The following CDYL variants were observed in gnomAD, a reference collection of about 807,000 sequenced individuals.
CDYL encodes the protein chromodomain Y like, also known as chromodomain Y-like protein.
CDYL carries 8 observed loss-of-function variants against 47.3 expected under a neutral mutation model. The ratio of observed to expected loss-of-function variants is 0.17; its 90% CI spans 0.10 to 0.31. The LOEUF is 0.31. Ranked by LOEUF, CDYL falls within the 10% of genes least tolerant of loss-of-function variation. CDYL has a pLI of 1.00. For missense variants in CDYL, 471 were observed against 701.4 expected, an observed-to-expected ratio of 0.67 and a Z score of 3.71; for synonymous variants, 266 against 265.0, an observed-to-expected ratio of 1.00 and a Z score of -0.04.
At chr6:4,875,140 A>T (rs1761584574) in intron 1 of CDYL, among the ~76,000 whole-genome samples, 1 of 152,184 alleles carries the variant, frequency 6.6e-6, no homozygotes, top group South Asian at 2.1e-4. Context: ...CTTGACTCTG[A>T]CAGGCATCGC....
chr6:4,939,761 A>G (rs1300672220), intron 4 of CDYL, among the ~76,000 whole-genome samples: 1 of 152,214 alleles, frequency 6.6e-6, no homozygotes, highest in Admixed American at 6.5e-5. Context: ...ATTCAGGGTG[A>G]ATTCCATGAA....
At chr6:4,744,049 T>C (rs545150044) in intron 3 of CDYL, among the ~76,000 whole-genome samples, 76 of 152,222 alleles carry the variant, frequency 5.0e-4, no homozygotes, top group African/African-American at 1.8e-3. Context: ...TAATGTCGAC[T>C]AATTCCTGAC....
intron 1 of CDYL, among the ~76,000 whole-genome samples, chr6:4,795,697 ATTTC>A (rs889693039): frequency 3.4e-5 from 5 of 146,700 alleles, no homozygotes; most frequent in African/African-American, 1.3e-4. Flanking sequence ...TCTTAGAGGT[ATTTC>A]TTTTCTCTTT....
At chr6:4,793,180 G>A (rs1316816146) in intron 1 of CDYL, among the ~76,000 whole-genome samples, 2 of 152,150 alleles carry the variant, frequency 1.3e-5, no homozygotes, top group Admixed American at 6.5e-5. Flanking sequence ...TGTTGATTAC[G>A]TGAGAAACCC....
intron 1 of CDYL, among the ~76,000 whole-genome samples, chr6:4,877,859 A>G (rs377526145): frequency 7.2e-5 from 11 of 152,192 alleles, no homozygotes; most frequent in East Asian, 5.8e-4. Flanking sequence ...GTTGGTTTCC[A>G]CATAAAAGCT....
At chr6:4,929,907 T>A (rs1297221137) in intron 2 of CDYL, among the ~76,000 whole-genome samples, 2 of 152,178 alleles carry the variant, frequency 1.3e-5, no homozygotes. Flanking sequence ...TGATGAACAT[T>A]GTGATTTACA....
intron 1 of CDYL, among the ~76,000 whole-genome samples, chr6:4,855,022 T>C (rs1760964420): frequency 6.6e-6 from 1 of 152,172 alleles, no homozygotes; most frequent in South Asian, 2.1e-4. Flanking sequence ...TTATCAAGTG[T>C]TGGAATTCTA....
At chr6:4,727,330 A>G (rs1467092741) in intron 2 of CDYL, among the ~76,000 whole-genome samples, 1 of 152,174 alleles carries the variant, frequency 6.6e-6, no homozygotes, top group African/African-American at 2.4e-5. Context: ...TAGGAAGCTC[A>G]TGGATGTATG....
At chr6:4,923,712 C>T (rs931430547) in intron 2 of CDYL, among the ~76,000 whole-genome samples, 23 of 151,942 alleles carry the variant, frequency 1.5e-4, no homozygotes, top group East Asian at 3.9e-4. Flanking sequence ...TCTTCTAACC[C>T]GGTGAAACCC....
At chr6:4,775,630 C>A (rs1463630417), upstream of CDYL, among the ~76,000 whole-genome samples, 1 of 151,066 alleles carries the variant, frequency 6.6e-6, no homozygotes, top group African/African-American at 2.4e-5. The surrounding 1 kb of genome is among the most constrained non-coding windows in gnomAD (Gnocchi z 7.0). Flanking sequence ...CGCGCCCTCG[C>A]GCCGCCCTCC....
chr6:4,778,061 T>G (rs1043501193), intron 1 of CDYL, among the ~76,000 whole-genome samples: 1 of 148,580 alleles, frequency 6.7e-6, no homozygotes, highest in Non-Finnish European at 1.5e-5. Context: ...TTTGGGGATG[T>G]AAAAGAAGAA....
At chr6:4,870,267 G>A (rs572575862) in intron 1 of CDYL, among the ~76,000 whole-genome samples, 1 of 152,128 alleles carries the variant, frequency 6.6e-6, no homozygotes, top group Admixed American at 6.5e-5. Flanking sequence ...TTGAAGAATA[G>A]TTTTGCTAAA....
chr6:4,839,785 T>G (rs529526481), intron 1 of CDYL, among the ~76,000 whole-genome samples: 2 of 152,322 alleles, frequency 1.3e-5, no homozygotes, highest in East Asian at 3.9e-4. Context: ...TATGTGCTTA[T>G]TTTTATACCA....
chr6:4,776,837 C>T (rs1172052384), intron 1 of CDYL, 30 bp downstream of exon 1: 1 of 877,886 alleles, frequency 1.1e-6, no homozygotes, highest in Non-Finnish European at 1.4e-6. Context: ...CCTCGGGCCG[C>T]CCCCCGCCCG....
chr6:4,953,485 T>C (rs1201658078), intron 6 of CDYL, among the ~76,000 whole-genome samples: 1 of 152,182 alleles, frequency 6.6e-6, no homozygotes, highest in Non-Finnish European at 1.5e-5. Context: ...CTGACACGAC[T>C]CCCATCCCAG....
At chr6:4,775,905 G>A (rs1024791223), upstream of CDYL, among the ~76,000 whole-genome samples, 18 of 150,240 alleles carry the variant, frequency 1.2e-4, no homozygotes, top group African/African-American at 3.9e-4. This position sits in a 1 kb window ranked among gnomAD's most constrained non-coding sequence, Gnocchi z 7.0. Flanking sequence ...GGTAGACGGC[G>A]CGGCCGCTGC....
At chr6:4,750,917 A>G (rs1042540702) in intron 3 of CDYL, among the ~76,000 whole-genome samples, 34 of 148,178 alleles carry the variant, frequency 2.3e-4, no homozygotes, top group African/African-American at 8.5e-4. Flanking sequence ...CAGTGGCACG[A>G]TCTCGGCTCA....
chr6:4,840,547 A>G (rs1760456651), intron 1 of CDYL, among the ~76,000 whole-genome samples: 2 of 152,144 alleles, frequency 1.3e-5, no homozygotes, highest in Admixed American at 6.5e-5. Flanking sequence ...TATGTCATAG[A>G]TGGCTTTTAT....
intron 3 of CDYL, among the ~76,000 whole-genome samples, chr6:4,936,313 TA>T (rs1267079899): frequency 6.6e-6 from 1 of 152,206 alleles, no homozygotes; most frequent in African/African-American, 2.4e-5. Flanking sequence ...GCCTAGTAAG[TA>T]AGTTTTCCAG....
Sources: gnomAD v4.1 joint callset for allele counts (sites outside exome capture counted in the v4.1 genomes callset) on GRCh38, gnomAD v4.1.1 for gene constraint, Gnocchi (gnomAD v3.1) non-coding constraint, MANE v1.5 for transcripts, NCBI Gene and HGNC (gene_info 2026-07-23, HGNC 2026-07-21) for gene names.